Variants in ATG12 observed in about 807,000 individuals in gnomAD.
The protein encoded by ATG12 is ubiquitin-like protein ATG12.
Under a neutral mutation model 17.6 loss-of-function variants are expected in ATG12, and 19 were observed. The ratio of observed to expected loss-of-function variants is 1.08; its 90% CI spans 0.75 to 1.58. The LOEUF is 1.58. ATG12 is among the 40% of genes most tolerant of loss of function. ATG12 has a pLI of 0.00. For synonymous variants in ATG12, 75 were observed against 62.4 expected (o/e 1.20, Z -0.95); for missense variants, 214 against 162.0 (o/e 1.32, Z -1.74).
chr5:115,840,874 T>G, intron 1 of ATG12: 1 of 1,286,792 alleles, frequency 7.8e-7, no homozygotes, highest in Non-Finnish European at 1.0e-6. Context: ...AGCTTTCCCT[T>G]AGCAGTCTTC....
chr5:115,831,902 TA>T, intron 3 of ATG12, 39 bp from the exon 4 acceptor site: 1 of 1,363,398 alleles, frequency 7.3e-7, no homozygotes, highest in Non-Finnish European at 1.0e-6. Flanking sequence ...CTCAATCTTT[TA>T]TTATTCTTAG....
At chr5:115,832,573 T>A (rs764094610) in intron 3 of ATG12, 29 bp downstream of exon 3, 2 of 143,280 alleles carry the variant, frequency 1.4e-5, no homozygotes, top group Non-Finnish European at 2.0e-5. Flanking sequence ...ATTTCTTTCT[T>A]TTTTTTTTTT....
rs115231681 is a variant in ATG12, at chr5:115,831,678, T to C, written c.*126A>G. On this transcript the variant is annotated 3_prime_UTR_variant, in exon 4 of 4. Transcript: ENST00000509910. ...ATGGATGTTTTCTTATGCATAAACA[T>C]AGAGTAGACACATACTAAATAGATC... The C allele has an allele frequency of 0.027, 22,980 of 844,894 alleles. 504 individuals are homozygous for C. The highest frequency in any genetic ancestry group is 0.046 in the South Asian group (2,994 of 64,494). The allele number at this position is 844,894 out of a possible 1,614,324, so 52.3% of individuals were successfully genotyped here. A position where few individuals can be genotyped will look rare whatever the true frequency, so the allele number is the denominator to read the frequency against.
chr5:115,839,704 G>T (rs1035363218), intron 1 of ATG12, among the ~76,000 whole-genome samples: 1 of 152,216 alleles, frequency 6.6e-6, no homozygotes. Context: ...TACCTCCAGT[G>T]CCAAAACCTT....
At chr5:115,838,344 G>T (rs1255008543) in intron 1 of ATG12, 1 of 152,140 alleles carries the variant, frequency 6.6e-6, no homozygotes, top group East Asian at 1.9e-4. Context: ...ACCCAAAAAG[G>T]ATATTTGGAG....
chr5:115,840,971 G>T, intron 1 of ATG12: 1 of 1,022,838 alleles, frequency 9.8e-7, no homozygotes, highest in Non-Finnish European at 1.3e-6. Flanking sequence ...AGTTAAGTTG[G>T]AAGGCATGAA....
At chr5:115,840,937 G>A in intron 1 of ATG12, 1 of 1,264,576 alleles carries the variant, frequency 7.9e-7, no homozygotes, top group South Asian at 1.2e-5. Flanking sequence ...ACAACCAACT[G>A]GGAGGGGGAA....
At position 115,830,426 on chromosome 5, in the gene ATG12, G is replaced by T. The variant is rs1021085753; in HGVS notation, c.*1378C>A. Reference sequence around the variant, plus strand: ...GTAAACTGAACTGGACAAAACTAGAGAACAGACCTTTTCCATACTCATTTA... The same window carrying T: ...GTAAACTGAACTGGACAAAACTAGATAACAGACCTTTTCCATACTCATTTA... On this transcript the variant is annotated 3_prime_UTR_variant, in exon 4 of 4. Coordinates refer to ENST00000509910, the MANE Select transcript of ATG12 (RefSeq NM_004707.4). 1.3e-5 allele frequency: 2 copies of T among 152,074 alleles called. No individual in the cohort carries two copies. The highest frequency in any genetic ancestry group is 2.4e-5 in the African/African-American group (1 of 41,400). The allele number at this position is 152,074 out of a possible 1,614,324, so 9.4% of individuals were successfully genotyped here.
Position 115,841,512 on chromosome 5 carries a change from G to T in ATG12, c.41C>A (p.Ser14Ter). The T allele has an allele frequency of 6.2e-7, 1 of 1,612,568 alleles. No individual in the cohort carries two copies. Among genetic ancestry groups the T allele is most frequent in the Non-Finnish European group, 8.5e-7 (1 of 1,179,470 alleles). The change falls in exon 1 of 4, where the codon TCA becomes TAA. Residue 14 changes from serine (S) to a stop codon, truncating the protein, a stop_gained. Coordinates refer to ENST00000509910, the MANE Select transcript of ATG12 (RefSeq NM_004707.4). LOFTEE classifies it high-confidence loss of function. ...AAGTCCTTCCCCTCCAGCAGCAATT[G>T]AAGTAGGAAGCTGCAACACAGACTG... ...EPQSVLQLPT[S>*]IAAGGEGLTD... is the part of the protein sequence containing the mutation.
At chr5:115,840,739 G>C in intron 1 of ATG12, 2 of 1,181,206 alleles carry the variant, frequency 1.7e-6, no homozygotes, top group Non-Finnish European at 1.1e-6. Flanking sequence ...CGTAATTTTA[G>C]CAATCTCTTT....
intron 2 of ATG12, among the ~76,000 whole-genome samples, chr5:115,837,061 T>G (rs1761132063): frequency 6.6e-6 from 1 of 152,236 alleles, no homozygotes; most frequent in African/African-American, 2.4e-5. Flanking sequence ...GTACAGATAT[T>G]GCAATGCTCT....
At chr5:115,835,415 C>T (rs1761052602) in intron 2 of ATG12, among the ~76,000 whole-genome samples, 2 of 152,124 alleles carry the variant, frequency 1.3e-5, no homozygotes, top group South Asian at 4.1e-4. Flanking sequence ...CAGAGCTCCC[C>T]TTGTTGTTTT....
chr5:115,835,670 C>T (rs539405381), intron 2 of ATG12, among the ~76,000 whole-genome samples: 16 of 152,272 alleles, frequency 1.1e-4, no homozygotes, highest in Non-Finnish European at 1.3e-4. Flanking sequence ...CAGAAGAGGG[C>T]AAAACTCCTT....
intron 3 of ATG12, among the ~76,000 whole-genome samples, chr5:115,832,174 G>C (rs536007549): frequency 3.3e-5 from 5 of 151,158 alleles, no homozygotes; most frequent in Non-Finnish European, 5.9e-5. Flanking sequence ...GCTAGTATGT[G>C]TACTCTAATA....
chr5:115,833,908 T>C (rs1250957379), intron 2 of ATG12: 1 of 152,196 alleles, frequency 6.6e-6, no homozygotes, highest in Non-Finnish European at 1.5e-5. Context: ...AGTTTATCAG[T>C]GTCTATGATG....
chr5:115,834,386 C>G (rs1039603864), intron 2 of ATG12: 1 of 152,220 alleles, frequency 6.6e-6, no homozygotes, highest in Non-Finnish European at 1.5e-5. Flanking sequence ...AATTCCACTG[C>G]AGAATCGCTA....
intron 2 of ATG12, among the ~76,000 whole-genome samples, chr5:115,836,341 T>C (rs1761097564): frequency 6.6e-6 from 1 of 152,218 alleles, no homozygotes; most frequent in African/African-American, 2.4e-5. Flanking sequence ...TCATTTTTCT[T>C]AAATCTCCAT....
At chr5:115,840,444 CG>C (rs1761340806) in intron 1 of ATG12, 2 of 291,502 alleles carry the variant, frequency 6.9e-6, no homozygotes, top group Non-Finnish European at 1.3e-5. Flanking sequence ...ATTACAGGCG[CG>C]CGCCACCACA....
intron 2 of ATG12, among the ~76,000 whole-genome samples, chr5:115,835,522 T>C (rs1221003034): frequency 6.6e-6 from 1 of 152,146 alleles, no homozygotes; most frequent in Non-Finnish European, 1.5e-5. Context: ...TCCTTTCTCA[T>C]GTCCCTACCC....
Sources: allele counts gnomAD v4.1 joint callset (sites outside exome capture counted in the v4.1 genomes callset), GRCh38; gene constraint gnomAD v4.1.1; transcripts MANE v1.5; gene names NCBI Gene and HGNC (gene_info 2026-07-23, HGNC 2026-07-21).